RYR3: variants seen among roughly 807,000 people sequenced by gnomAD.
RYR3 encodes brain ryanodine receptor-calcium release channel.
A neutral mutation model predicts 584.3 loss-of-function variants in RYR3; 207 were observed. The ratio of observed to expected loss-of-function variants is 0.35; its 90% CI spans 0.32 to 0.40. The LOEUF is 0.40. Ranked by LOEUF, RYR3 falls within the 10% of genes least tolerant of loss-of-function variation. The probability of loss-of-function intolerance (pLI) is 1.00; values close to 1 mark genes in which losing one functional copy is unlikely to be tolerated. For missense variants in RYR3, 5,616 were observed against 6,089.2 expected, an observed-to-expected ratio of 0.92 and a Z score of 2.59; for synonymous variants, 2,416 against 2,248.5, an observed-to-expected ratio of 1.07 and a Z score of -2.11.
chr15:33,836,200 GA>G (rs1402802402), intron 87 of RYR3, among the ~76,000 whole-genome samples: 6 of 86,918 alleles, frequency 6.9e-5, no homozygotes, highest in African/African-American at 1.3e-4. Context: ...TTTTTTTTGT[GA>G]GGGGGGGGTC....
intron 64 of RYR3, among the ~76,000 whole-genome samples, chr15:33,779,316 T>TTTGC (rs1404911038): frequency 6.6e-6 from 1 of 152,090 alleles, no homozygotes; most frequent in South Asian, 2.1e-4. Context: ...TTTTTGTTTG[T>TTTGC]TTGCTTGCTT....
Position 33,838,544 on chromosome 15 carries a change from C to T in RYR3, c.12564C>T (p.Phe4188=). Residue 4188 remains phenylalanine, a synonymous_variant, in exon 89 of 104, where the codon TTC becomes TTT. Transcript: ENST00000634891. ...KELVKVLFSF[F]WMLFVGLFQL... ...TGGTGAAGGTGCTCTTCTCCTTTTTCTGGATGCTGTTCGTGGGGCTATTCC... is the reference window on the plus strand; with the variant it reads ...TGGTGAAGGTGCTCTTCTCCTTTTTTTGGATGCTGTTCGTGGGGCTATTCC... 2 of 1,613,960 alleles carry T rather than the reference C, an allele frequency of 1.2e-6. No homozygotes were observed. Among genetic ancestry groups the T allele is most frequent in the Non-Finnish European group, 1.7e-6 (2 of 1,179,866 alleles).
intron 3 of RYR3, among the ~76,000 whole-genome samples, chr15:33,505,191 G>A (rs1219117102): frequency 6.6e-6 from 1 of 152,238 alleles, no homozygotes; most frequent in Non-Finnish European, 1.5e-5. Context: ...TTTACATTTC[G>A]GCCATCCTCC....
chr15:33,590,809 A>T (rs2059094855), intron 16 of RYR3, among the ~76,000 whole-genome samples: 1 of 152,136 alleles, frequency 6.6e-6, no homozygotes, highest in South Asian at 2.1e-4. Context: ...TAGGTTTGAG[A>T]TGTAAAAATT....
chr15:33,680,555 T>C (rs2064516059), intron 38 of RYR3, among the ~76,000 whole-genome samples: 1 of 152,220 alleles, frequency 6.6e-6, no homozygotes. Flanking sequence ...TATCCTGCCC[T>C]GGTATTGCAA....
At chr15:33,480,606 T>G (rs1013913993) in intron 2 of RYR3, among the ~76,000 whole-genome samples, 8 of 152,210 alleles carry the variant, frequency 5.3e-5, no homozygotes, top group Non-Finnish European at 1.0e-4. Context: ...CAGAGGGAGT[T>G]AGATAAAAAG....
chr15:33,843,002 C>T (rs1355556617), intron 91 of RYR3, among the ~76,000 whole-genome samples: 1 of 151,978 alleles, frequency 6.6e-6, no homozygotes, highest in African/African-American at 2.4e-5. Context: ...TGACACGACA[C>T]AGTCATGCCA....
At chr15:33,603,985 A>G (rs1485603775) in intron 18 of RYR3, among the ~76,000 whole-genome samples, 1 of 152,160 alleles carries the variant, frequency 6.6e-6, no homozygotes, top group African/African-American at 2.4e-5. Context: ...AAGCATGTCC[A>G]TGGCCCGTGC....
At chr15:33,459,233 G>T (rs974462803) in intron 1 of RYR3, among the ~76,000 whole-genome samples, 3 of 152,190 alleles carry the variant, frequency 2.0e-5, no homozygotes, top group Non-Finnish European at 4.4e-5. Context: ...AGCTAAGTTT[G>T]TTCTTTTCCT....
At chr15:33,323,170 G>A (rs562179271) in intron 1 of RYR3, among the ~76,000 whole-genome samples, 2 of 152,044 alleles carry the variant, frequency 1.3e-5, no homozygotes, top group South Asian at 4.2e-4. Context: ...GGAGTGCAGT[G>A]GCACGATCTC....
At chr15:33,790,758 T>C (rs1175012627) in intron 67 of RYR3, among the ~76,000 whole-genome samples, 1 of 151,526 alleles carries the variant, frequency 6.6e-6, no homozygotes, top group Non-Finnish European at 1.5e-5. Context: ...AAGTAAAGGA[T>C]TGAGGAAGAG....
At position 33,649,107 on chromosome 15, in the gene RYR3, G is replaced by A. The variant is rs1201578627; in HGVS notation, c.4014G>A (p.Gln1338=). ...ACGCCATCCGCATCTTTGCTGGACA[G>A]GATCCATCCTGTGTCTGGGTCGGAT... ...CYYAIRIFAG[Q]DPSCVWVGWV... The change falls in exon 31 of 104, where the codon CAG becomes CAA. Residue 1338 remains glutamine, a synonymous_variant. Transcript: ENST00000634891. The A allele has an allele frequency of 6.2e-7, 1 of 1,613,742 alleles. No homozygotes were observed. The highest frequency in any genetic ancestry group is 8.5e-7 in the Non-Finnish European group (1 of 1,179,872).
At chr15:33,726,138 G>A (rs550489075) in intron 45 of RYR3, among the ~76,000 whole-genome samples, 1 of 152,150 alleles carries the variant, frequency 6.6e-6, no homozygotes, top group African/African-American at 2.4e-5. Context: ...ACAACCTCAT[G>A]GCCACTTTAA....
At chr15:33,634,556 T>A (rs1248328765) in intron 24 of RYR3, 30 bp from the exon 25 acceptor site, 1 of 1,612,982 alleles carries the variant, frequency 6.2e-7, no homozygotes, top group Admixed American at 1.7e-5. Flanking sequence ...AAATGTTTTC[T>A]TGGCACCTTT....
intron 93 of RYR3, among the ~76,000 whole-genome samples, 158 bp downstream of exon 93, chr15:33,845,220 C>A (rs2078642848): frequency 6.6e-6 from 1 of 152,186 alleles, no homozygotes; most frequent in South Asian, 2.1e-4. Context: ...CTGCCTAGAC[C>A]TGCAGAGTCT....
At chr15:33,356,508 C>A (rs1332202477) in intron 1 of RYR3, among the ~76,000 whole-genome samples, 2 of 152,064 alleles carry the variant, frequency 1.3e-5, no homozygotes, top group African/African-American at 4.8e-5. Context: ...TCTCTATGGA[C>A]ATAGTGGCAC....
At chr15:33,725,178 C>T (rs62012613) in intron 45 of RYR3, among the ~76,000 whole-genome samples, 8 of 120,838 alleles carry the variant, frequency 6.6e-5, no homozygotes, top group Non-Finnish European at 1.3e-4. Context: ...CACACACACA[C>T]ACACACACAC....
chr15:33,592,138 G>A lies in RYR3; in HGVS notation c.1788+6022G>A, dbSNP rs116208429. On this transcript the variant is annotated intron_variant, in intron 16 of 103. Transcript: ENST00000634891. ...CATTGATTAGGGAGGCCTAACTCCT[G>A]TGACACACAACCCCGTATTGTCAGT... Among the ~76,000 whole-genome samples, 1,283 of 152,306 alleles carry A rather than the reference G, an allele frequency of 8.4e-3. 18 individuals carry two copies. Among genetic ancestry groups the A allele is most frequent in the African/African-American group, 0.029 (1,195 of 41,564 alleles).
intron 38 of RYR3, 120 bp downstream of exon 38, chr15:33,670,676 C>A: frequency 3.0e-6 from 3 of 1,015,474 alleles, no homozygotes; most frequent in Non-Finnish European, 2.8e-6. Flanking sequence ...AGCATCTGGG[C>A]AGTATGTTAT....
Sources: allele counts gnomAD v4.1 joint callset (sites outside exome capture counted in the v4.1 genomes callset), GRCh38; gene constraint gnomAD v4.1.1; transcripts MANE v1.5; gene names NCBI Gene and HGNC (gene_info 2026-07-23, HGNC 2026-07-21).